Variants in INTS4 observed in about 807,000 individuals in gnomAD.
INTS4 encodes the protein MSTP093.
A neutral mutation model predicts 119.5 loss-of-function variants in INTS4; 70 were observed. The ratio of observed to expected loss-of-function variants is 0.59; its 90% CI spans 0.48 to 0.71. The LOEUF is 0.71. Ranked by LOEUF, INTS4 falls within the 30% of genes least tolerant of loss-of-function variation. The probability of loss-of-function intolerance (pLI) is 0.00; values close to 1 mark genes in which losing one functional copy is unlikely to be tolerated. For synonymous variants in INTS4, 316 were observed against 419.6 expected (o/e 0.75, Z 3.02); for missense variants, 867 against 1,173.2 (o/e 0.74, Z 3.81).
At chr11:77,874,774 C>T (rs1951552221), downstream of INTS4, among the ~76,000 whole-genome samples, 2 of 152,166 alleles carry the variant, frequency 1.3e-5, no homozygotes, top group Non-Finnish European at 2.9e-5. Flanking sequence ...CGGTGGCTCA[C>T]GCCTGTAATC....
rs1335308347 is a variant in INTS4, at chr11:77,918,928, A to G, written c.1815T>C (p.Pro605=). The G allele has an allele frequency of 3.4e-5, 55 of 1,613,964 alleles. No homozygotes were observed. The highest frequency in any genetic ancestry group is 4.5e-5 in the Non-Finnish European group (53 of 1,179,870). ...VSSAVSPSII[P]QEDPSQQFLQ... ...GGAACTGCTGGGAAGGATCCTCTTG[A>G]GGTATGATGCTGGGAGAAACAGCTG... is the stretch of plus-strand genomic sequence containing the variant. Residue 605 remains proline, a synonymous_variant, in exon 15 of 23, where the codon CCT becomes CCC. Coordinates refer to ENST00000534064, the MANE Select transcript of INTS4 (RefSeq NM_033547.4).
intron 15 of INTS4, chr11:77,918,335 G>A: frequency 2.1e-6 from 1 of 466,592 alleles, no homozygotes; most frequent in Non-Finnish European, 3.9e-6. Flanking sequence ...TACTTGGGAG[G>A]CTGAAGTGGG....
At chr11:77,923,221 G>A (rs1437793692) in intron 12 of INTS4, among the ~76,000 whole-genome samples, 1 of 151,276 alleles carries the variant, frequency 6.6e-6, no homozygotes, top group Non-Finnish European at 1.5e-5. Context: ...GGGAGGCTGA[G>A]GCAGGAGAAT....
chr11:77,946,500 A>G (rs1178522813), intron 8 of INTS4, among the ~76,000 whole-genome samples: 4 of 152,290 alleles, frequency 2.6e-5, no homozygotes, highest in Non-Finnish European at 4.4e-5. Flanking sequence ...AGTGGCTCAC[A>G]TCTGTAATCC....
chr11:77,893,819 G>A (rs1952384143), intron 19 of INTS4, among the ~76,000 whole-genome samples: 3 of 151,966 alleles, frequency 2.0e-5, no homozygotes, highest in Admixed American at 1.3e-4. Context: ...CTTGAACCCA[G>A]GAGGCGGAGG....
intron 10 of INTS4, among the ~76,000 whole-genome samples, chr11:77,935,928 G>A (rs1050694720): frequency 2.6e-5 from 1 of 38,932 alleles, no homozygotes; most frequent in Non-Finnish European, 4.7e-5. Context: ...GAGGTTTTGC[G>A]CTTCAAGTAG....
intron 15 of INTS4, among the ~76,000 whole-genome samples, chr11:77,912,538 GAATT>G (rs974419899): frequency 2.0e-5 from 3 of 152,098 alleles, no homozygotes; most frequent in African/African-American, 7.2e-5. Context: ...ACAATAGGCT[GAATT>G]AATTATTTAA....
chr11:77,912,948 T>C (rs1195230124), intron 15 of INTS4, among the ~76,000 whole-genome samples: 1 of 152,246 alleles, frequency 6.6e-6, no homozygotes, highest in Non-Finnish European at 1.5e-5. Flanking sequence ...AAAAGTAGTA[T>C]ATTTCTTTCT....
chr11:77,957,720 G>A lies in INTS4; in HGVS notation c.797+1026C>T, dbSNP rs184892712. ...GTCTTGCTCTGTGACCCAGGCTGGA[G>A]TGCAGTGGTGTGATCTCAGCTCACC... On this transcript the variant is annotated intron_variant, in intron 7 of 22. Coordinates refer to ENST00000534064, the MANE Select transcript of INTS4 (RefSeq NM_033547.4). Among the ~76,000 whole-genome samples the A allele has an allele frequency of 7.8e-3, 1,102 of 141,130 alleles. 16 individuals carry two copies. Among genetic ancestry groups the A allele is most frequent in the African/African-American group, 0.029 (1,075 of 37,694 alleles). 92.6% of individuals were successfully genotyped at this position (141,130 alleles called of 152,430 possible). A position where few individuals can be genotyped will look rare whatever the true frequency, so the allele number is the denominator to read the frequency against.
intron 11 of INTS4, among the ~76,000 whole-genome samples, chr11:77,926,811 C>CA (rs61446262): frequency 2.0e-3 from 207 of 103,394 alleles, no homozygotes; most frequent in East Asian, 5.4e-3. Context: ...GACTCAGCCT[C>CA]AAAAAAAAAA....
chr11:77,948,509 A>G (rs3018412), intron 8 of INTS4, among the ~76,000 whole-genome samples: 113,263 of 151,694 alleles, frequency 0.75, 42,855 homozygotes, highest in African/African-American at 0.86. Context: ...TTAGTTGGGC[A>G]TGGTGGCACA....
At chr11:77,880,213 C>A (rs1951738683) in intron 22 of INTS4, among the ~76,000 whole-genome samples, 1 of 152,150 alleles carries the variant, frequency 6.6e-6, no homozygotes, top group Non-Finnish European at 1.5e-5. Context: ...GGAATGAAGG[C>A]TAGATGGATC....
chr11:77,936,819 C>T (rs927600502), intron 10 of INTS4, among the ~76,000 whole-genome samples: 3 of 152,014 alleles, frequency 2.0e-5, no homozygotes, highest in Admixed American at 6.6e-5. Context: ...AAAACAATGT[C>T]AGTATCCTAA....
At chr11:77,935,437 G>A (rs1953764020) in intron 10 of INTS4, among the ~76,000 whole-genome samples, 1 of 152,214 alleles carries the variant, frequency 6.6e-6, no homozygotes, top group Non-Finnish European at 1.5e-5. Flanking sequence ...ACTACACAGA[G>A]AGACAGAGAG....
chr11:77,984,543 G>A (rs1856378847), intron 2 of INTS4, among the ~76,000 whole-genome samples: 1 of 151,230 alleles, frequency 6.6e-6, no homozygotes, highest in African/African-American at 2.4e-5. Flanking sequence ...GGGGCTGGAG[G>A]TGGGGGTGAT....
At chr11:77,917,095 A>G (rs914553641) in intron 15 of INTS4, among the ~76,000 whole-genome samples, 4 of 152,178 alleles carry the variant, frequency 2.6e-5, no homozygotes, top group Non-Finnish European at 4.4e-5. Flanking sequence ...ATCCACCATC[A>G]TAAGTCTTTG....
At chr11:77,907,860 C>A in intron 15 of INTS4, 50 bp from the exon 16 acceptor site, 1 of 1,160,510 alleles carries the variant, frequency 8.6e-7, no homozygotes. Flanking sequence ...GATAATGCCA[C>A]CAACATAAAG....
At chr11:77,973,354 G>A (rs1022190653) in intron 4 of INTS4, among the ~76,000 whole-genome samples, 6 of 152,082 alleles carry the variant, frequency 3.9e-5, no homozygotes, top group African/African-American at 1.2e-4. Flanking sequence ...CTGTGAATAC[G>A]GGGAGAGAAT....
At chr11:77,876,644 G>A (rs1951602708), downstream of INTS4, among the ~76,000 whole-genome samples, 1 of 152,032 alleles carries the variant, frequency 6.6e-6, no homozygotes, top group Non-Finnish European at 1.5e-5. Context: ...TTCTTACACA[G>A]CTTTTAAAAA....
Sources: gnomAD v4.1 joint callset for allele counts (sites outside exome capture counted in the v4.1 genomes callset) on GRCh38, gnomAD v4.1.1 for gene constraint, MANE v1.5 for transcripts, NCBI Gene and HGNC (gene_info 2026-07-23, HGNC 2026-07-21) for gene names.